GRAMD1B: variants seen among roughly 807,000 people sequenced by gnomAD.
GRAMD1B encodes protein Aster-B.
A neutral mutation model predicts 99.7 loss-of-function variants in GRAMD1B; 37 were observed. The observed-to-expected ratio is 0.37, with a 90% CI of 0.29 to 0.49. The LOEUF is 0.49. Among genes scored for constraint, GRAMD1B ranks in the 20% least tolerant of loss-of-function variants. The pLI is 0.98. For missense variants in GRAMD1B, 888 were observed against 1,009.2 expected (o/e 0.88, Z 1.63); for synonymous variants, 427 against 387.6 (o/e 1.10, Z -1.19).
chr11:123,437,836 T>A (rs186147792), intron 1 of GRAMD1B, among the ~76,000 whole-genome samples: 1 of 152,296 alleles, frequency 6.6e-6, no homozygotes, highest in Admixed American at 6.5e-5. Flanking sequence ...TGTTTCGGGT[T>A]TCAGCTCCAT....
intron 1 of GRAMD1B, among the ~76,000 whole-genome samples, chr11:123,440,846 C>T (rs1949372688): frequency 6.6e-6 from 1 of 152,128 alleles, no homozygotes; most frequent in Admixed American, 6.5e-5. Context: ...TGAATTCCCA[C>T]ATGTTGTGGG....
intron 1 of GRAMD1B, among the ~76,000 whole-genome samples, chr11:123,467,783 G>GTCCT (rs571421968): frequency 8.5e-4 from 128 of 151,004 alleles, no homozygotes; most frequent in African/African-American, 2.9e-3. Context: ...GCCTAGCAGG[G>GTCCT]TCCTTCCTTC....
At chr11:123,542,803 C>T (rs1389557709) in intron 2 of GRAMD1B, among the ~76,000 whole-genome samples, 2 of 152,050 alleles carry the variant, frequency 1.3e-5, no homozygotes, top group African/African-American at 4.8e-5. Context: ...CAGGTGCGTG[C>T]CACCATGCCC....
At chr11:123,402,047 C>T (rs1278657853) in intron 1 of GRAMD1B, among the ~76,000 whole-genome samples, 2 of 152,188 alleles carry the variant, frequency 1.3e-5, no homozygotes, top group Non-Finnish European at 2.9e-5. Context: ...CCCAAAAGGC[C>T]ACGTTCTTTT....
chr11:123,371,218 A>C (rs1246930149), intron 1 of GRAMD1B, among the ~76,000 whole-genome samples: 1 of 152,088 alleles, frequency 6.6e-6, no homozygotes, highest in Non-Finnish European at 1.5e-5. Flanking sequence ...AGGGTGACTG[A>C]GAAAGGCTGT....
chr11:123,518,416 T>C (rs978440809), intron 2 of GRAMD1B, among the ~76,000 whole-genome samples: 1 of 152,110 alleles, frequency 6.6e-6, no homozygotes, highest in Non-Finnish European at 1.5e-5. Context: ...TATCGATGGC[T>C]GCTTAAACAG....
At chr11:123,622,055 C>T (rs575605702) in intron 19 of GRAMD1B, among the ~76,000 whole-genome samples, 17 of 148,312 alleles carry the variant, frequency 1.1e-4, no homozygotes, top group African/African-American at 4.2e-4. Context: ...GGGTCTTGCT[C>T]TGTTGCCCAG....
intron 2 of GRAMD1B, among the ~76,000 whole-genome samples, chr11:123,529,083 T>C (rs1943091945): frequency 6.6e-6 from 1 of 152,182 alleles, no homozygotes; most frequent in Non-Finnish European, 1.5e-5. Context: ...TGTCTAGGCA[T>C]TGTGAAGTTA....
intron 2 of GRAMD1B, among the ~76,000 whole-genome samples, chr11:123,493,330 C>CACA (rs1938825499): frequency 6.6e-6 from 1 of 152,168 alleles, no homozygotes; most frequent in African/African-American, 2.4e-5. Flanking sequence ...TGTGTCTGGA[C>CACA]GTAGCACACA....
At chr11:123,593,097 T>A (rs1457691001) in intron 4 of GRAMD1B, among the ~76,000 whole-genome samples, 1 of 151,586 alleles carries the variant, frequency 6.6e-6, no homozygotes, top group African/African-American at 2.4e-5. Context: ...CCGGGAGAGG[T>A]GGCACATACC....
At chr11:123,540,266 G>A (rs743633) in intron 2 of GRAMD1B, among the ~76,000 whole-genome samples, 37,954 of 150,782 alleles carry the variant, frequency 0.25, 5,520 homozygotes, top group East Asian at 0.45. Flanking sequence ...TTTTTGTATA[G>A]ACGGAATTTC....
intron 2 of GRAMD1B, among the ~76,000 whole-genome samples, chr11:123,568,704 G>T (rs73027988): frequency 0.11 from 16,163 of 152,224 alleles, 1,055 homozygotes; most frequent in East Asian, 0.19. Flanking sequence ...AGTGTGGCAC[G>T]CCTGGACCAG....
At chr11:123,400,402 G>T (rs546643824) in intron 1 of GRAMD1B, among the ~76,000 whole-genome samples, 1 of 152,154 alleles carries the variant, frequency 6.6e-6, no homozygotes, top group South Asian at 2.1e-4. Flanking sequence ...GCTTGAATCC[G>T]GGAGGCAGGG....
At chr11:123,603,350 G>C in intron 8 of GRAMD1B, 76 bp from the exon 9 acceptor site, 5 of 875,348 alleles carry the variant, frequency 5.7e-6, no homozygotes, top group South Asian at 5.6e-5. Context: ...AGGGGAACCA[G>C]CCCGGCTCAG....
chr11:123,529,306 A>G (rs988814407), intron 2 of GRAMD1B, among the ~76,000 whole-genome samples: 14 of 152,240 alleles, frequency 9.2e-5, no homozygotes, highest in African/African-American at 2.7e-4. Flanking sequence ...AGGGAGGTTC[A>G]GAGGCTGGAC....
intron 2 of GRAMD1B, among the ~76,000 whole-genome samples, chr11:123,507,942 G>A (rs545429528): frequency 4.6e-5 from 7 of 152,274 alleles, no homozygotes; most frequent in Admixed American, 1.3e-4. Context: ...TGAATATGGG[G>A]TTGAGTCTCA....
chr11:123,422,924 A>T lies in GRAMD1B; in HGVS notation c.-175-57892A>T, dbSNP rs557165848. Among the ~76,000 whole-genome samples, 14 of 132,206 alleles carry T rather than the reference A, an allele frequency of 1.1e-4. No individual in the cohort carries two copies. In the South Asian group the frequency reaches 2.8e-3, roughly 27 times the overall value. The allele number at this position is 132,206 out of a possible 152,430, so 86.7% of individuals were successfully genotyped here. On this transcript the variant is annotated intron_variant, in intron 1 of 20. Transcript: ENST00000638157. ...AAATTTACCAAATTGTAGTTCTTGG[A>T]CTGGTTTTCTGCTCCTTCCTCCCTT... is the stretch of plus-strand genomic sequence containing the variant.
At chr11:123,605,569 T>A in intron 10 of GRAMD1B, 91 bp downstream of exon 10, 2 of 1,017,064 alleles carry the variant, frequency 2.0e-6, no homozygotes, top group Non-Finnish European at 2.9e-6. Context: ...GGGGAGCAGG[T>A]AGAGAGGAGA....
chr11:123,453,489 G>T (rs1055298441), intron 1 of GRAMD1B, among the ~76,000 whole-genome samples: 1 of 152,074 alleles, frequency 6.6e-6, no homozygotes, highest in Non-Finnish European at 1.5e-5. Context: ...GCTAATTTTT[G>T]TATTTTTAGT....
Sources: gnomAD v4.1 joint callset for allele counts (sites outside exome capture counted in the v4.1 genomes callset) on GRCh38, gnomAD v4.1.1 for gene constraint, MANE v1.5 for transcripts, NCBI Gene and HGNC (gene_info 2026-07-23, HGNC 2026-07-21) for gene names.